Variants in PCSK5 observed in about 807,000 individuals in gnomAD.
PCSK5 encodes prohormone convertase 5.
Under a neutral mutation model 233.2 loss-of-function variants are expected in PCSK5, and 129 were observed. The ratio of observed to expected loss-of-function variants is 0.55; its 90% CI spans 0.48 to 0.64. The LOEUF is 0.64. Among genes scored for constraint, PCSK5 ranks in the 30% least tolerant of loss-of-function variants. The pLI, the probability that PCSK5 is intolerant of heterozygous loss-of-function variation, is 0.00. For missense variants in PCSK5, 2,076 were observed against 2,430.1 expected, an observed-to-expected ratio of 0.85 and a Z score of 3.06; for synonymous variants, 825 against 879.2, an observed-to-expected ratio of 0.94 and a Z score of 1.09.
Position 76,210,638 on chromosome 9 carries a change from G to A in PCSK5, c.2627-16865G>A, listed in dbSNP as rs541593799. On this transcript the variant is annotated intron_variant, in intron 20 of 37. Transcript: ENST00000674117. Reference sequence around the variant, plus strand: ...TCCTTCGAGCTTTATTCTGTATTGAGGGAGCAGCGTTGCAAGATTTTAGGT... The same window carrying A: ...TCCTTCGAGCTTTATTCTGTATTGAAGGAGCAGCGTTGCAAGATTTTAGGT... Among the ~76,000 whole-genome samples the A allele has an allele frequency of 1.4e-4, 22 of 152,310 alleles. 1 individual carries two copies. The South Asian group carries it at 4.4e-3, about 30-fold the overall frequency.
At chr9:76,088,930 ATT>A (rs5898449) in intron 7 of PCSK5, among the ~76,000 whole-genome samples, 29,582 of 140,012 alleles carry the variant, frequency 0.21, 3,181 homozygotes, top group African/African-American at 0.28. Flanking sequence ...AGGTTTTTTA[ATT>A]TTTTTTTTTT....
At position 76,347,097 on chromosome 9, in the gene PCSK5, T is replaced by A. The variant is rs1830000649; in HGVS notation, c.4967-3731T>A. 2.6e-5 allele frequency among the ~76,000 whole-genome samples: 4 copies of A among 152,140 alleles called. 1 individual carries two copies. In the South Asian group the frequency reaches 8.3e-4, roughly 31 times the overall value. ...TTCTATTTTTTTTTTCATTTTTGTTTTTTGATTTTGTGTTATTGTTTCTTC... is the reference window on the plus strand; with the variant it reads ...TTCTATTTTTTTTTTCATTTTTGTTATTTGATTTTGTGTTATTGTTTCTTC... On this transcript the variant is annotated intron_variant, in intron 35 of 37. Transcript: ENST00000674117.
At chr9:75,944,478 T>C (rs1196741081) in intron 2 of PCSK5, among the ~76,000 whole-genome samples, 1 of 152,054 alleles carries the variant, frequency 6.6e-6, no homozygotes, top group Admixed American at 6.5e-5. Context: ...ATGGATATAT[T>C]TCTGTTCTCA....
chr9:75,901,628 A>T (rs887973808), intron 1 of PCSK5, among the ~76,000 whole-genome samples: 1 of 65,452 alleles, frequency 1.5e-5, no homozygotes, highest in Non-Finnish European at 3.4e-5. Flanking sequence ...CCCAGAACTT[A>T]AAAAAAAAAA....
chr9:75,901,861 A>G (rs1826050710), intron 1 of PCSK5, among the ~76,000 whole-genome samples: 1 of 152,136 alleles, frequency 6.6e-6, no homozygotes, highest in Non-Finnish European at 1.5e-5. Flanking sequence ...AAAAGAAAAA[A>G]TGAACCAGTC....
chr9:76,175,423 C>A (rs1823568167), intron 14 of PCSK5: 4 of 421,088 alleles, frequency 9.5e-6, no homozygotes. Flanking sequence ...ATTCAAATAT[C>A]CATATGTGTT....
chr9:76,002,727 AAAG>A (rs1827313823), intron 3 of PCSK5, among the ~76,000 whole-genome samples: 1 of 152,164 alleles, frequency 6.6e-6, no homozygotes, highest in Non-Finnish European at 1.5e-5. Flanking sequence ...GAAACAAGTG[AAAG>A]AAGGAGGGAA....
At chr9:76,045,149 A>G (rs1365079154) in intron 5 of PCSK5, among the ~76,000 whole-genome samples, 1 of 152,338 alleles carries the variant, frequency 6.6e-6, no homozygotes, top group Non-Finnish European at 1.5e-5. Flanking sequence ...GATTTATAAC[A>G]ATTTGTCCTT....
intron 20 of PCSK5, among the ~76,000 whole-genome samples, chr9:76,220,387 C>G (rs537799147): frequency 6.6e-6 from 1 of 151,684 alleles, no homozygotes; most frequent in African/African-American, 2.4e-5. Flanking sequence ...ATCAGCTGGG[C>G]GTGGTGGTGG....
chr9:76,292,208 A>T (rs1564161128), intron 24 of PCSK5, 25 bp from the exon 25 acceptor site: 1 of 1,384,840 alleles, frequency 7.2e-7, no homozygotes, highest in South Asian at 1.2e-5. Flanking sequence ...CATGATTATT[A>T]CTTTTTATTA....
intron 30 of PCSK5, among the ~76,000 whole-genome samples, chr9:76,317,864 G>A (rs946551017): frequency 2.6e-4 from 40 of 152,188 alleles, no homozygotes; most frequent in African/African-American, 8.9e-4. Context: ...TGGACCCAGT[G>A]TGTAGCCTGG....
At chr9:76,004,298 A>AT (rs1287334522) in intron 3 of PCSK5, among the ~76,000 whole-genome samples, 1 of 152,004 alleles carries the variant, frequency 6.6e-6, no homozygotes, top group East Asian at 1.9e-4. Flanking sequence ...TATTTTTAGC[A>AT]TAAAATCTAC....
At chr9:76,227,796 C>T (rs1321244341) in intron 21 of PCSK5, among the ~76,000 whole-genome samples, 191 bp downstream of exon 21, 1 of 152,152 alleles carries the variant, frequency 6.6e-6, no homozygotes, top group Non-Finnish European at 1.5e-5. Context: ...CCATGACGCC[C>T]AGTCCCCACC....
intron 14 of PCSK5, among the ~76,000 whole-genome samples, chr9:76,176,906 TC>T (rs574751749): frequency 3.1e-3 from 471 of 152,352 alleles, no homozygotes; most frequent in Non-Finnish European, 4.8e-3. Flanking sequence ...CTGACTACTG[TC>T]TTGTTGCATT....
chr9:76,210,371 C>T (rs1825285326), intron 20 of PCSK5, among the ~76,000 whole-genome samples: 1 of 152,186 alleles, frequency 6.6e-6, no homozygotes. Context: ...TGGTTGAGGA[C>T]AACTCCCGGG....
At chr9:76,038,664 G>T (rs1255026432) in intron 5 of PCSK5, among the ~76,000 whole-genome samples, 1 of 152,186 alleles carries the variant, frequency 6.6e-6, no homozygotes, top group African/African-American at 2.4e-5. Flanking sequence ...AGTTGGAATT[G>T]AAGAGATCAA....
intron 1 of PCSK5, among the ~76,000 whole-genome samples, chr9:75,905,696 TC>T (rs1826236411): frequency 1.3e-5 from 2 of 152,152 alleles, no homozygotes; most frequent in South Asian, 4.1e-4. Context: ...CCGCTCCACT[TC>T]CTGTCAGATC....
At chr9:75,950,147 G>GGT (rs1824783526) in intron 2 of PCSK5, among the ~76,000 whole-genome samples, 1 of 126,624 alleles carries the variant, frequency 7.9e-6, no homozygotes, top group Non-Finnish European at 1.7e-5. Context: ...GTGTGTGTGG[G>GGT]GGGGGCGGGG....
Position 76,179,614 on chromosome 9 carries a change from G to C in PCSK5, c.1919G>C (p.Cys640Ser). 6.2e-7 allele frequency: 1 copy of C among 1,613,518 alleles called. No individual in the cohort carries two copies. Among genetic ancestry groups the C allele is most frequent in the Non-Finnish European group, 8.5e-7 (1 of 1,179,496 alleles). ...TGGAAAGGTCCCTGCGACCCTGAGT[G>C]CAGTGAGGTTGGCTGTGACGGGCCA... The part of the protein sequence containing the change: ...EDYAGPCDPE[C>S]SEVGCDGPGP... Residue 640 changes from cysteine to serine, a missense_variant, in exon 15 of 38, where the codon TGC becomes TCC. Around this residue, in one of 6 missense-constraint regions of PCSK5, gnomAD observed 84 missense variants for 108.8 expected, o/e 0.77. Coordinates refer to ENST00000674117, the MANE Select transcript of PCSK5 (RefSeq NM_001372043.1).
Sources: gnomAD v4.1 joint callset for allele counts (sites outside exome capture counted in the v4.1 genomes callset) on GRCh38, gnomAD v4.1.1 for gene constraint, gnomAD v4.1.1 regional missense constraint, MANE v1.5 for transcripts, NCBI Gene and HGNC (gene_info 2026-07-23, HGNC 2026-07-21) for gene names.